Variants in PRKN observed in about 807,000 individuals in gnomAD.
The protein encoded by PRKN is parkin RBR E3 ubiquitin protein ligase.
PRKN carries 56 observed loss-of-function variants against 59.5 expected under a neutral mutation model. That is an observed-to-expected ratio of 0.94 (90% CI 0.76 to 1.18). PRKN has a LOEUF of 1.18. Ranked by LOEUF, PRKN falls within the 50% of genes most tolerant of loss-of-function variation. The probability of loss-of-function intolerance (pLI) is 0.00; values close to 1 mark genes in which losing one functional copy is unlikely to be tolerated. For missense variants in PRKN, 657 were observed against 596.4 expected (o/e 1.10, Z -1.06); for synonymous variants, 250 against 222.1 (o/e 1.13, Z -1.12).
intron 9 of PRKN, among the ~76,000 whole-genome samples, chr6:161,478,830 G>C (rs1308269311): frequency 6.6e-6 from 1 of 152,206 alleles, no homozygotes; most frequent in Non-Finnish European, 1.5e-5. Flanking sequence ...CTGAGTGACA[G>C]AGTGAGACTT....
chr6:161,881,417 G>A (rs921089236), intron 6 of PRKN, among the ~76,000 whole-genome samples: 1 of 152,194 alleles, frequency 6.6e-6, no homozygotes, highest in Non-Finnish European at 1.5e-5. Context: ...GACCTGTCCG[G>A]TGAGTGCAGT....
At chr6:162,638,841 T>C (rs1005886047) in intron 1 of PRKN, among the ~76,000 whole-genome samples, 2 of 144,098 alleles carry the variant, frequency 1.4e-5, no homozygotes, top group Non-Finnish European at 1.5e-5. Context: ...GCCTCCCGGG[T>C]TCAAGCGATT....
At chr6:162,636,141 T>C (rs1777702120) in intron 1 of PRKN, among the ~76,000 whole-genome samples, 1 of 131,568 alleles carries the variant, frequency 7.6e-6, no homozygotes. Flanking sequence ...ATTACTTACA[T>C]AGTAATATAA....
intron 6 of PRKN, among the ~76,000 whole-genome samples, chr6:161,932,887 T>C (rs942946824): frequency 6.6e-6 from 1 of 152,190 alleles, no homozygotes; most frequent in Admixed American, 6.5e-5. Flanking sequence ...ATCTTTTCTC[T>C]CCATCCAGTA....
At chr6:162,499,854 G>A (rs548362236) in intron 1 of PRKN, among the ~76,000 whole-genome samples, 2 of 152,246 alleles carry the variant, frequency 1.3e-5, no homozygotes, top group Admixed American at 6.5e-5. Flanking sequence ...CTGATACAAT[G>A]TATGGAGTGT....
intron 9 of PRKN, among the ~76,000 whole-genome samples, chr6:161,474,294 T>C (rs1471606275): frequency 6.6e-6 from 1 of 152,206 alleles, no homozygotes; most frequent in Non-Finnish European, 1.5e-5. Flanking sequence ...GGCTACCCCA[T>C]AGTTATTCTC....
In PRKN at chr6:161,534,633, T is replaced by C. The variant is rs111362310; in HGVS notation, c.1083+14221A>G. ...GTTACGTGTTGCCATGCGGCTATGCTGTTTCGCATAGACATGTCTTGTCTT... is the reference window on the plus strand; with the variant it reads ...GTTACGTGTTGCCATGCGGCTATGCCGTTTCGCATAGACATGTCTTGTCTT... On this transcript the variant is annotated intron_variant, in intron 9 of 11. Transcript: ENST00000366898. Among the ~76,000 whole-genome samples the C allele has an allele frequency of 1.8e-3, 274 of 152,368 alleles. 1 individual carries two copies. The highest frequency in any genetic ancestry group is 6.3e-3 in the African/African-American group (263 of 41,586).
chr6:162,135,553 T>G (rs1781532238), intron 4 of PRKN, among the ~76,000 whole-genome samples: 1 of 152,104 alleles, frequency 6.6e-6, no homozygotes, highest in Admixed American at 6.6e-5. Context: ...ACACTGAGGC[T>G]CAAAATTTTA....
At chr6:161,665,416 T>C (rs1188978783) in intron 7 of PRKN, among the ~76,000 whole-genome samples, 1 of 152,198 alleles carries the variant, frequency 6.6e-6, no homozygotes, top group Non-Finnish European at 1.5e-5. Flanking sequence ...TCATGACTAT[T>C]GCATAATGGT....
At chr6:162,196,708 C>T (rs1784509148) in intron 4 of PRKN, among the ~76,000 whole-genome samples, 1 of 152,130 alleles carries the variant, frequency 6.6e-6, no homozygotes, top group Non-Finnish European at 1.5e-5. Context: ...CATCAGTTCC[C>T]CATGCCTAAC....
intron 3 of PRKN, among the ~76,000 whole-genome samples, chr6:162,235,533 C>T (rs937155082): frequency 1.3e-4 from 20 of 152,106 alleles, no homozygotes; most frequent in African/African-American, 4.3e-4. Flanking sequence ...CATGGCCGGG[C>T]GCAGTGGCTG....
At chr6:161,766,399 C>T (rs1018370050) in intron 7 of PRKN, among the ~76,000 whole-genome samples, 1 of 150,924 alleles carries the variant, frequency 6.6e-6, no homozygotes, top group Non-Finnish European at 1.5e-5. Flanking sequence ...CCTCCACCTC[C>T]CGGGTTCAAG....
chr6:162,401,798 A>G (rs758290851), intron 2 of PRKN, among the ~76,000 whole-genome samples: 1 of 152,216 alleles, frequency 6.6e-6, no homozygotes, highest in Non-Finnish European at 1.5e-5. Context: ...ATTAACTTGA[A>G]GTAAATGAAC....
At chr6:162,153,078 A>G (rs550066425) in intron 4 of PRKN, among the ~76,000 whole-genome samples, 1 of 152,350 alleles carries the variant, frequency 6.6e-6, no homozygotes, top group Admixed American at 6.5e-5. Context: ...ATATGATCAC[A>G]AGTGTTCAAG....
At chr6:162,509,747 G>A (rs1777512347) in intron 1 of PRKN, among the ~76,000 whole-genome samples, 2 of 152,136 alleles carry the variant, frequency 1.3e-5, no homozygotes, top group East Asian at 3.8e-4. Flanking sequence ...GTCATTAGTT[G>A]TTTTATTACA....
intron 1 of PRKN, among the ~76,000 whole-genome samples, chr6:162,466,162 T>C (rs1183404344): frequency 6.6e-6 from 1 of 152,332 alleles, no homozygotes; most frequent in East Asian, 1.9e-4. Flanking sequence ...TTTGATGATG[T>C]GGAAGTTTAT....
intron 2 of PRKN, among the ~76,000 whole-genome samples, chr6:162,291,177 T>C (rs368219585): frequency 2.2e-4 from 33 of 152,170 alleles, no homozygotes; most frequent in African/African-American, 7.5e-4. Context: ...TAAATCATGT[T>C]AGAAACTAGG....
chr6:162,636,363 C>T (rs958674132), intron 1 of PRKN, among the ~76,000 whole-genome samples: 6 of 152,132 alleles, frequency 3.9e-5, no homozygotes, highest in African/African-American at 7.2e-5. Flanking sequence ...GCCATCTCCA[C>T]CTCCTGTGGA....
intron 5 of PRKN, among the ~76,000 whole-genome samples, chr6:162,015,942 C>A (rs546287803): frequency 5.3e-5 from 8 of 152,182 alleles, no homozygotes; most frequent in Admixed American, 4.6e-4. Flanking sequence ...TTACACGAAA[C>A]AGAACCTTTG....
Sources: gnomAD v4.1 joint callset for allele counts (sites outside exome capture counted in the v4.1 genomes callset) on GRCh38, gnomAD v4.1.1 for gene constraint, MANE v1.5 for transcripts, NCBI Gene and HGNC (gene_info 2026-07-23, HGNC 2026-07-21) for gene names.